The following ADARB2 variants were observed in gnomAD, a reference collection of about 807,000 sequenced individuals.
The protein encoded by ADARB2 is inactive double-stranded RNA-specific editase B2.
In ADARB2, 25 loss-of-function variants were observed where a neutral mutation model predicts 62.2. The ratio of observed to expected loss-of-function variants is 0.40; its 90% CI spans 0.29 to 0.56. The LOEUF is 0.56. Ranked by LOEUF, ADARB2 falls within the 20% of genes least tolerant of loss-of-function variation. The pLI is 0.43. For synonymous variants in ADARB2, 572 were observed against 500.8 expected, an observed-to-expected ratio of 1.14 and a Z score of -1.90; for missense variants, 1,071 against 1,077.4, an observed-to-expected ratio of 0.99 and a Z score of 0.08.
intron 1 of ADARB2, among the ~76,000 whole-genome samples, chr10:1,489,243 T>C (rs1231193291): frequency 6.6e-6 from 1 of 152,062 alleles, no homozygotes; most frequent in Non-Finnish European, 1.5e-5. Flanking sequence ...CAGCAAGGCG[T>C]GACCGTGCCT....
chr10:1,690,731 G>A (rs1052381174), intron 1 of ADARB2, among the ~76,000 whole-genome samples: 2 of 152,104 alleles, frequency 1.3e-5, no homozygotes, highest in African/African-American at 4.8e-5. Context: ...ACTGCACCCC[G>A]TGGATGTCTT....
At position 1,409,151 on chromosome 10, in the gene ADARB2, C is replaced by T. The variant is rs536367616; in HGVS notation, c.101-29991G>A. ...AAGCACGCTTGGCCCACGGAGCCCC[C>T]GCATCCAGCCCGGGGCAGGTATCTC... On this transcript the variant is annotated intron_variant, in intron 1 of 9. Coordinates refer to ENST00000381312, the MANE Select transcript of ADARB2 (RefSeq NM_018702.4). Among the ~76,000 whole-genome samples, 34 of 152,220 alleles carry T rather than the reference C, an allele frequency of 2.2e-4. 2 individuals carry two copies. In the South Asian group the frequency reaches 6.4e-3, roughly 29 times the overall value.
intron 7 of ADARB2, among the ~76,000 whole-genome samples, chr10:1,213,894 G>A (rs896983426): frequency 6.6e-6 from 1 of 151,488 alleles, no homozygotes; most frequent in African/African-American, 2.4e-5. Flanking sequence ...ACCTGTGCCC[G>A]GACCTGCCAG....
intron 1 of ADARB2, among the ~76,000 whole-genome samples, chr10:1,454,510 C>T (rs752377463): frequency 9.9e-5 from 15 of 152,144 alleles, no homozygotes; most frequent in Non-Finnish European, 2.1e-4. Flanking sequence ...AAAGGAAGAA[C>T]ATTCTGACAC....
rs1004445965 is a variant in ADARB2 at position 1,461,318 on chromosome 10, C to T, written c.101-82158G>A. 5.3e-5 allele frequency among the ~76,000 whole-genome samples: 8 copies of T among 152,280 alleles called. No homozygotes were observed. The East Asian group carries it at 5.8e-4, about 11-fold the overall frequency. On this transcript the variant is annotated intron_variant, in intron 1 of 9. Coordinates refer to ENST00000381312, the MANE Select transcript of ADARB2 (RefSeq NM_018702.4). ...TTGTCCTATTGTCTTCATCAGAACA[C>T]GTGTACTTGTCAGGCCTGCAGTCCT...
chr10:1,347,923 C>G (rs11250438), intron 3 of ADARB2, among the ~76,000 whole-genome samples: 33,959 of 151,302 alleles, frequency 0.22, 4,660 homozygotes, highest in Middle Eastern at 0.37. Context: ...CAGAGACAGA[C>G]ACAGAGACAG....
chr10:1,522,359 AG>A (rs1463113796), intron 1 of ADARB2, among the ~76,000 whole-genome samples: 1 of 152,140 alleles, frequency 6.6e-6, no homozygotes, highest in African/African-American at 2.4e-5. Context: ...TGCCTCTAAG[AG>A]GGGGAGGTGG....
chr10:1,382,744 G>A (rs1431027962), intron 1 of ADARB2, among the ~76,000 whole-genome samples: 1 of 150,038 alleles, frequency 6.7e-6, no homozygotes, highest in Admixed American at 6.6e-5. Context: ...GACCTTCGGA[G>A]TGTGCCAGGA....
intron 1 of ADARB2, among the ~76,000 whole-genome samples, chr10:1,510,106 T>TCCTC (rs1554767632): frequency 2.4e-5 from 3 of 125,652 alleles, no homozygotes; most frequent in African/African-American, 6.0e-5. Context: ...TTTTCTTTCT[T>TCCTC]TCTCTCTTTC....
At chr10:1,431,519 G>C (rs2131890084) in intron 1 of ADARB2, among the ~76,000 whole-genome samples, 1 of 151,958 alleles carries the variant, frequency 6.6e-6, no homozygotes, top group East Asian at 1.9e-4. Flanking sequence ...ATGAAGAAAG[G>C]TCTCAAATCA....
chr10:1,241,805 G>A (rs994836903), intron 5 of ADARB2, among the ~76,000 whole-genome samples: 1 of 152,234 alleles, frequency 6.6e-6, no homozygotes, highest in African/African-American at 2.4e-5. Flanking sequence ...GGAAAAGGGG[G>A]CAGTGCAGGA....
intron 1 of ADARB2, among the ~76,000 whole-genome samples, chr10:1,430,977 C>G (rs1830772267): frequency 1.3e-5 from 2 of 152,132 alleles, no homozygotes; most frequent in Non-Finnish European, 2.9e-5. Context: ...TGGGGTCTGT[C>G]AACACCCTAC....
At chr10:1,351,439 C>T (rs1214548297) in intron 3 of ADARB2, among the ~76,000 whole-genome samples, 1 of 151,660 alleles carries the variant, frequency 6.6e-6, no homozygotes, top group East Asian at 1.9e-4. Flanking sequence ...AACTCTGGTG[C>T]CAACTTAGAC....
chr10:1,296,689 A>AC (rs1386081680), intron 3 of ADARB2, among the ~76,000 whole-genome samples: 1 of 152,136 alleles, frequency 6.6e-6, no homozygotes, highest in Non-Finnish European at 1.5e-5. Context: ...ATATGTAATG[A>AC]CCCCAAAACT....
chr10:1,606,350 G>A (rs1215448464), intron 1 of ADARB2, among the ~76,000 whole-genome samples: 1 of 143,634 alleles, frequency 7.0e-6, no homozygotes, highest in East Asian at 2.1e-4. Flanking sequence ...TGCCTGGCAA[G>A]CTCCCAGGTA....
intron 1 of ADARB2, among the ~76,000 whole-genome samples, chr10:1,446,374 TTGTACAAA>T (rs1830969495): frequency 6.6e-6 from 1 of 152,224 alleles, no homozygotes; most frequent in African/African-American, 2.4e-5. Context: ...TTCTGGACAT[TTGTACAAA>T]TGTACAAGCT....
At position 1,246,426 on chromosome 10, in the gene ADARB2, G is replaced by C. The variant is rs1830987127; in HGVS notation, c.1193-4127C>G. On this transcript the variant is annotated intron_variant, in intron 4 of 9. Transcript: ENST00000381312. ...AAGTCCTTGCCCATGCCTATGTCCT[G>C]AATGGTGATGCCCAGGTTTTCTTCT... Among the ~76,000 whole-genome samples, 2 of 116,388 alleles carry C rather than the reference G, an allele frequency of 1.7e-5. 1 individual carries two copies. Among genetic ancestry groups the C allele is most frequent in the South Asian group, 7.5e-4 (2 of 2,674 alleles). 76.4% of individuals were successfully genotyped at this position (116,388 alleles called of 152,430 possible).
At chr10:1,692,755 G>T (rs572794620) in intron 1 of ADARB2, among the ~76,000 whole-genome samples, 1 of 152,242 alleles carries the variant, frequency 6.6e-6, no homozygotes, top group South Asian at 2.1e-4. Context: ...ATGAATGAAT[G>T]CCATGGATAA....
chr10:1,386,109 G>C (rs1329754091), intron 1 of ADARB2, among the ~76,000 whole-genome samples: 3 of 152,036 alleles, frequency 2.0e-5, no homozygotes, highest in African/African-American at 4.8e-5. Flanking sequence ...TCATGAGGTA[G>C]TTGGCTATGA....
Sources: gnomAD v4.1 joint callset for allele counts (sites outside exome capture counted in the v4.1 genomes callset) on GRCh38, gnomAD v4.1.1 for gene constraint, MANE v1.5 for transcripts, NCBI Gene and HGNC (gene_info 2026-07-23, HGNC 2026-07-21) for gene names.